The following HS3ST3A1 variants were observed in gnomAD, a reference collection of about 807,000 sequenced individuals.
HS3ST3A1 encodes heparan sulfate-glucosamine 3-sulfotransferase 3A1.
HS3ST3A1 carries 19 observed loss-of-function variants against 25.7 expected under a neutral mutation model. The ratio of observed to expected loss-of-function variants is 0.74; its 90% CI spans 0.52 to 1.08. The LOEUF (loss-of-function observed/expected upper bound fraction) is 1.08, where lower values mean the gene tolerates loss of function less well. HS3ST3A1 is among the 50% of genes least tolerant of loss of function. The pLI is 0.00. For synonymous variants in HS3ST3A1, 226 were observed against 278.6 expected, an observed-to-expected ratio of 0.81 and a Z score of 1.88; for missense variants, 459 against 594.3, an observed-to-expected ratio of 0.77 and a Z score of 2.37.
chr17:13,528,937 G>T (rs75053471), intron 1 of HS3ST3A1, among the ~76,000 whole-genome samples: 9,802 of 151,900 alleles, frequency 0.065, 440 homozygotes, highest in African/African-American at 0.13. Flanking sequence ...GGTCGGGGTG[G>T]GGGATGAAGC....
intron 1 of HS3ST3A1, among the ~76,000 whole-genome samples, chr17:13,505,655 A>G (rs1435679558): frequency 2.0e-5 from 3 of 152,082 alleles, no homozygotes; most frequent in Admixed American, 2.0e-4. Flanking sequence ...TCAAAAAAAA[A>G]AGGCGGAAAA....
chr17:13,554,623 G>C (rs1358769793), intron 1 of HS3ST3A1, among the ~76,000 whole-genome samples: 1 of 152,190 alleles, frequency 6.6e-6, no homozygotes, highest in Non-Finnish European at 1.5e-5. Context: ...GCTGACTTTG[G>C]AACTGTTAAG....
Position 13,496,890 on chromosome 17 carries a change from C to T in HS3ST3A1, c.600-72G>A. The T allele has an allele frequency of 3.9e-6, 6 of 1,542,280 alleles. 1 individual carries two copies. The South Asian group carries it at 6.4e-5, about 16-fold the overall frequency. On this transcript the variant is annotated intron_variant, in intron 1 of 1. Transcript: ENST00000284110. The stretch of plus-strand genomic sequence containing the variant: ...GTCCCAGGAGAGACTGTCAAGTACA[C>T]GCTGGAGCCAGGCCGCAATTCCAGC...
intron 1 of HS3ST3A1, among the ~76,000 whole-genome samples, chr17:13,559,304 G>GT (rs1907462338): frequency 6.6e-6 from 1 of 152,052 alleles, no homozygotes; most frequent in Admixed American, 6.5e-5. Flanking sequence ...TCTGGAAAAG[G>GT]TAATTTCGTA....
At chr17:13,498,683 G>T (rs913082492) in intron 1 of HS3ST3A1, among the ~76,000 whole-genome samples, 11 of 152,180 alleles carry the variant, frequency 7.2e-5, no homozygotes, top group Non-Finnish European at 1.5e-4. Context: ...TCCCCAAACT[G>T]GGTCTATTTG....
At chr17:13,521,239 G>A (rs1248146206) in intron 1 of HS3ST3A1, among the ~76,000 whole-genome samples, 1 of 152,150 alleles carries the variant, frequency 6.6e-6, no homozygotes, top group African/African-American at 2.4e-5. Flanking sequence ...TCTTTTGAGG[G>A]GCACAAAAAC....
intron 1 of HS3ST3A1, among the ~76,000 whole-genome samples, chr17:13,510,895 A>T (rs540115697): frequency 6.6e-6 from 1 of 152,294 alleles, no homozygotes; most frequent in South Asian, 2.1e-4. Context: ...AAGGAGAAAC[A>T]TTTTGTCTCA....
chr17:13,582,878 T>C (rs1908153059), intron 1 of HS3ST3A1, among the ~76,000 whole-genome samples: 1 of 152,226 alleles, frequency 6.6e-6, no homozygotes, highest in Non-Finnish European at 1.5e-5. Context: ...TCTTTGATAA[T>C]GTGTAAGTAG....
In HS3ST3A1 at chr17:13,584,384, A is replaced by G. The variant is rs200434842; in HGVS notation, c.599+16147T>C. Among the ~76,000 whole-genome samples, 34 of 151,832 alleles carry G rather than the reference A, an allele frequency of 2.2e-4. No homozygotes were observed. The East Asian group carries it at 5.6e-3, about 25-fold the overall frequency. On this transcript the variant is annotated intron_variant, in intron 1 of 1. Transcript: ENST00000284110. ...GTGTGTTTAATCATTAAGGATGGAA[A>G]CCATAAGCATTCATCCAAAGAGCAC...
chr17:13,504,139 C>A (rs938467021), intron 1 of HS3ST3A1, among the ~76,000 whole-genome samples: 4 of 151,920 alleles, frequency 2.6e-5, no homozygotes, highest in Non-Finnish European at 5.9e-5. Flanking sequence ...TGGTGAAACC[C>A]CGTCTCTACC....
intron 1 of HS3ST3A1, among the ~76,000 whole-genome samples, chr17:13,511,329 A>C (rs537927612): frequency 6.6e-6 from 1 of 152,208 alleles, no homozygotes; most frequent in Non-Finnish European, 1.5e-5. Flanking sequence ...TGCTGAGAAC[A>C]TACAGGGGTT....
chr17:13,555,104 C>T lies in HS3ST3A1; in HGVS notation c.599+45427G>A, dbSNP rs117757756. On this transcript the variant is annotated intron_variant, in intron 1 of 1. Coordinates refer to ENST00000284110, the MANE Select transcript of HS3ST3A1 (RefSeq NM_006042.3). Reference sequence around the variant, plus strand: ...ACCTCGTCGGTGTTCTCACCCACTACTCCCCAGCGGTGACCCCCATTTCTG... The same window carrying T: ...ACCTCGTCGGTGTTCTCACCCACTATTCCCCAGCGGTGACCCCCATTTCTG... Among the ~76,000 whole-genome samples the T allele has an allele frequency of 6.6e-3, 1,009 of 152,290 alleles. 5 individuals carry two copies. Among genetic ancestry groups the T allele is most frequent in the Non-Finnish European group, 8.9e-3 (604 of 68,030 alleles).
chr17:13,515,272 G>T (rs139299072), intron 1 of HS3ST3A1, among the ~76,000 whole-genome samples: 1 of 152,108 alleles, frequency 6.6e-6, no homozygotes, highest in Non-Finnish European at 1.5e-5. Context: ...CGATTCTCCC[G>T]CCTCAGCTTC....
At chr17:13,519,304 T>G (rs1026945879) in intron 1 of HS3ST3A1, among the ~76,000 whole-genome samples, 1 of 152,232 alleles carries the variant, frequency 6.6e-6, no homozygotes, top group African/African-American at 2.4e-5. Context: ...AGTTTGAGAA[T>G]AATTGGCTTT....
intron 1 of HS3ST3A1, among the ~76,000 whole-genome samples, chr17:13,588,265 T>C (rs1383511745): frequency 6.6e-6 from 1 of 151,508 alleles, no homozygotes; most frequent in Non-Finnish European, 1.5e-5. Context: ...TCTGGCCCTT[T>C]CCAGAAAAAA....
intron 1 of HS3ST3A1, among the ~76,000 whole-genome samples, chr17:13,498,086 G>A (rs1905339394): frequency 6.6e-6 from 1 of 152,212 alleles, no homozygotes; most frequent in South Asian, 2.1e-4. Flanking sequence ...CTTCATAAAG[G>A]CCTATTTTAT....
At chr17:13,579,361 T>A (rs1156771949) in intron 1 of HS3ST3A1, among the ~76,000 whole-genome samples, 1 of 152,074 alleles carries the variant, frequency 6.6e-6, no homozygotes, top group Non-Finnish European at 1.5e-5. Context: ...TAGTCCCAAA[T>A]TAAAAAGTAC....
intron 1 of HS3ST3A1, among the ~76,000 whole-genome samples, chr17:13,591,167 C>T (rs1232035733): frequency 6.6e-6 from 1 of 151,658 alleles, no homozygotes; most frequent in East Asian, 1.9e-4. Context: ...TTACCTCAGC[C>T]TCCGGAGTAC....
intron 1 of HS3ST3A1, among the ~76,000 whole-genome samples, chr17:13,548,195 T>A (rs1236693776): frequency 6.6e-6 from 1 of 152,146 alleles, no homozygotes; most frequent in Non-Finnish European, 1.5e-5. Flanking sequence ...AATATGTATT[T>A]CTCCCAGTTC....
Sources: allele counts gnomAD v4.1 joint callset (sites outside exome capture counted in the v4.1 genomes callset), GRCh38; gene constraint gnomAD v4.1.1; transcripts MANE v1.5; gene names NCBI Gene and HGNC (gene_info 2026-07-23, HGNC 2026-07-21).